Variants in INO80D observed in about 807,000 individuals in gnomAD.
The protein encoded by INO80D is INO80 complex subunit D.
In INO80D, 21 loss-of-function variants were observed where a neutral mutation model predicts 87.6. The observed-to-expected ratio is 0.24, with a 90% confidence interval of 0.17 to 0.35. INO80D has a LOEUF of 0.35. Among genes scored for constraint, INO80D ranks in the 10% least tolerant of loss-of-function variants. The probability of loss-of-function intolerance (pLI) is 1.00; values close to 1 mark genes in which losing one functional copy is unlikely to be tolerated. For synonymous variants in INO80D, 440 were observed against 491.0 expected (o/e 0.90, Z 1.37); for missense variants, 982 against 1,280.7 (o/e 0.77, Z 3.56).
intron 1 of INO80D, among the ~76,000 whole-genome samples, chr2:206,076,425 C>T (rs772430842): frequency 7.2e-5 from 11 of 152,118 alleles, no homozygotes; most frequent in Non-Finnish European, 1.2e-4. Context: ...AGACACTAAA[C>T]AGATGACTAT....
chr2:206,054,163 T>C (rs1361389674), intron 4 of INO80D, among the ~76,000 whole-genome samples: 1 of 151,522 alleles, frequency 6.6e-6, no homozygotes, highest in Non-Finnish European at 1.5e-5. Context: ...TTAATAGCTA[T>C]ATAATATTTC....
Position 206,066,067 on chromosome 2 carries a change from C to A in INO80D, c.-123-2823G>T, listed in dbSNP as rs1479461459. Among the ~76,000 whole-genome samples, 6 of 151,898 alleles carry A rather than the reference C, an allele frequency of 4.0e-5. No individual in the cohort carries two copies. The East Asian group carries it at 1.2e-3, about 30-fold the overall frequency. On this transcript the variant is annotated intron_variant, in intron 1 of 10. Transcript: ENST00000403263. ...TTGAGGTCAGGAGTTCAGGACCAGC[C>A]TGGTCAACATGGCAAAATCCTGTTT...
intron 6 of INO80D, among the ~76,000 whole-genome samples, chr2:206,020,911 C>CT (rs1688446351): frequency 6.6e-6 from 1 of 152,044 alleles, no homozygotes; most frequent in South Asian, 2.1e-4. Flanking sequence ...AATCCCAGCA[C>CT]TTTGGGAGGC....
At chr2:206,070,583 G>A (rs1439104988) in intron 1 of INO80D, among the ~76,000 whole-genome samples, 1 of 152,144 alleles carries the variant, frequency 6.6e-6, no homozygotes, top group East Asian at 1.9e-4. Flanking sequence ...AGCCGGGCAT[G>A]GTGGCATGTG....
At chr2:206,051,224 C>T (rs1689358623) in intron 4 of INO80D, among the ~76,000 whole-genome samples, 1 of 151,778 alleles carries the variant, frequency 6.6e-6, no homozygotes, top group Non-Finnish European at 1.5e-5. Flanking sequence ...TATTTCTTTT[C>T]TTTTCTTTTC....
intron 10 of INO80D, among the ~76,000 whole-genome samples, chr2:206,005,847 GT>G (rs536401968): frequency 4.1e-4 from 62 of 152,270 alleles, no homozygotes; most frequent in African/African-American, 1.4e-3. Flanking sequence ...TGGTGACTAT[GT>G]GATTATACGT....
chr2:206,010,353 G>A lies in INO80D; in HGVS notation c.1543-559C>T, dbSNP rs563954600. On this transcript the variant is annotated intron_variant, in intron 8 of 10. Coordinates refer to ENST00000403263, the MANE Select transcript of INO80D (RefSeq NM_017759.5). ...TGAAGTTGTTCTATTGCTGAAGTAC[G>A]TAGAAAATACTGCCTTTCACATGTC... Among the ~76,000 whole-genome samples, 7 of 151,632 alleles carry A rather than the reference G, an allele frequency of 4.6e-5. No homozygotes were observed. In the South Asian group the frequency reaches 1.0e-3, roughly 23 times the overall value.
chr2:206,074,574 G>A (rs557728320), intron 1 of INO80D, among the ~76,000 whole-genome samples: 6 of 151,394 alleles, frequency 4.0e-5, no homozygotes, highest in African/African-American at 1.5e-4. Context: ...AGATCACACC[G>A]TTACACTCCA....
chr2:206,076,767 T>A (rs1330499495), intron 1 of INO80D, among the ~76,000 whole-genome samples: 1 of 152,212 alleles, frequency 6.6e-6, no homozygotes, highest in Non-Finnish European at 1.5e-5. Context: ...AGCAGAAAGA[T>A]CACTCACTGG....
intron 1 of INO80D, among the ~76,000 whole-genome samples, chr2:206,070,714 C>CAA (rs991264238): frequency 1.4e-5 from 2 of 147,152 alleles, no homozygotes; most frequent in African/African-American, 5.0e-5. Flanking sequence ...GACTCCGTCT[C>CAA]AAAAAAAAAG....
rs777790342 is a variant in INO80D, at chr2:206,009,584, G to A, written c.1753C>T (p.His585Tyr). Residue 585 changes from histidine to tyrosine, a missense_variant, in exon 9 of 11, where the codon CAC (histidine) becomes TAC (tyrosine). His to Tyr is a moderately conservative substitution (Grantham distance 83). Coordinates refer to ENST00000403263, the MANE Select transcript of INO80D (RefSeq NM_017759.5). ...ASVSLPVEAS[H>Y]IRSPSTPELS... ...GCCAGTGGCACCACTGACCGGATGT[G>A]AGAGGCCTCCACTGGCAGTGAGACG... The A allele has an allele frequency of 6.8e-6, 11 of 1,611,368 alleles. No individual in the cohort carries two copies. The African/African-American group carries it at 1.2e-4, about 18-fold the overall frequency.
At chr2:206,074,829 C>T (rs1690067312) in intron 1 of INO80D, among the ~76,000 whole-genome samples, 1 of 152,046 alleles carries the variant, frequency 6.6e-6, no homozygotes. Context: ...ATCCCAGCTA[C>T]TCAGGAGGCT....
At chr2:206,055,716 C>A (rs1290552585) in intron 4 of INO80D, among the ~76,000 whole-genome samples, 1 of 152,202 alleles carries the variant, frequency 6.6e-6, no homozygotes, top group African/African-American at 2.4e-5. Context: ...TCCATGGGAT[C>A]CACATCTGTG....
At chr2:206,031,888 G>A (rs2105840439) in intron 5 of INO80D, among the ~76,000 whole-genome samples, 1 of 152,306 alleles carries the variant, frequency 6.6e-6, no homozygotes, top group South Asian at 2.1e-4. Flanking sequence ...AGTAGGAAAG[G>A]GAGATTCTCC....
Position 206,003,972 on chromosome 2 carries a change from T to A in INO80D, c.*396A>T. 1 of 204,228 alleles carries A rather than the reference T, an allele frequency of 4.9e-6. No homozygotes were observed. The allele number at this position is 204,228 out of a possible 1,614,324, so 12.7% of individuals were successfully genotyped here. On this transcript the variant is annotated 3_prime_UTR_variant, in exon 11 of 11. Coordinates refer to ENST00000403263, the MANE Select transcript of INO80D (RefSeq NM_017759.5). ...ACAGGAACTCAATTAATAAGATCAT[T>A]CTATCTAGAACCACCTATGTAAAAA...
chr2:206,057,246 C>T (rs1464331184), intron 3 of INO80D, among the ~76,000 whole-genome samples: 3 of 152,194 alleles, frequency 2.0e-5, no homozygotes, highest in Non-Finnish European at 4.4e-5. Context: ...TTGTTATTCT[C>T]TATTCATAGC....
intron 8 of INO80D, among the ~76,000 whole-genome samples, chr2:206,012,136 A>G (rs1245821577): frequency 1.3e-5 from 2 of 152,218 alleles, no homozygotes; most frequent in Admixed American, 1.3e-4. Flanking sequence ...TCAGATGTAT[A>G]GTCTAAAGGG....
chr2:206,066,539 C>T (rs1263165609), intron 1 of INO80D, among the ~76,000 whole-genome samples: 1 of 152,120 alleles, frequency 6.6e-6, no homozygotes, highest in East Asian at 1.9e-4. Context: ...GGCGTGGTGG[C>T]TCACACCTGT....
chr2:206,039,138 C>G (rs1452910069), intron 5 of INO80D, among the ~76,000 whole-genome samples: 2 of 152,174 alleles, frequency 1.3e-5, no homozygotes, highest in Non-Finnish European at 2.9e-5. Context: ...TACCTCACCC[C>G]GGTAATCCCA....
Sources: gnomAD v4.1 joint callset for allele counts (sites outside exome capture counted in the v4.1 genomes callset) on GRCh38, gnomAD v4.1.1 for gene constraint, MANE v1.5 for transcripts, NCBI Gene and HGNC (gene_info 2026-07-23, HGNC 2026-07-21) for gene names.